Variants in PLEKHH2 observed in about 807,000 individuals in gnomAD.
PLEKHH2 encodes the protein pleckstrin homology domain-containing family H member 2.
In PLEKHH2, 129 loss-of-function variants were observed where a neutral mutation model predicts 187.9. That is an observed-to-expected ratio of 0.69 (90% confidence interval 0.59 to 0.79). PLEKHH2 has a LOEUF of 0.79. PLEKHH2 is among the 30% of genes least tolerant of loss of function. The pLI is 0.00. For synonymous variants in PLEKHH2, 686 were observed against 605.6 expected (o/e 1.13, Z -1.95); for missense variants, 2,076 against 1,751.2 (o/e 1.19, Z -3.31).
Position 43,765,719 on chromosome 2 carries a change from T to C in PLEKHH2, c.*121T>C. ...ACACCGGTATTCCAAACCTTAACAA[T>C]GAAGGGGGTTAGTCTCTTTTATTTG... is the stretch of plus-strand genomic sequence containing the variant. On this transcript the variant is annotated 3_prime_UTR_variant, in exon 30 of 30. Transcript: ENST00000282406. The C allele has an allele frequency of 1.2e-6, 1 of 846,592 alleles. No individual in the cohort carries two copies. Among genetic ancestry groups the C allele is most frequent in the Non-Finnish European group, 1.7e-6 (1 of 572,212 alleles). The allele number at this position is 846,592 out of a possible 1,614,324, so 52.4% of individuals were successfully genotyped here.
chr2:43,643,900 C>G (rs1298408808), intron 1 of PLEKHH2, among the ~76,000 whole-genome samples: 1 of 152,138 alleles, frequency 6.6e-6, no homozygotes, highest in East Asian at 1.9e-4. Flanking sequence ...TTGTCCTCCC[C>G]CTTACAGTGC....
At chr2:43,711,445 C>A in intron 14 of PLEKHH2, 3 of 973,682 alleles carry the variant, frequency 3.1e-6, no homozygotes, top group Non-Finnish European at 3.7e-6. Context: ...TATCTAATCA[C>A]ATGTTCGTTC....
At chr2:43,667,930 A>C (rs1024350747) in intron 2 of PLEKHH2, among the ~76,000 whole-genome samples, 4 of 152,220 alleles carry the variant, frequency 2.6e-5, no homozygotes, top group Non-Finnish European at 4.4e-5. Flanking sequence ...TAAAGTGGTT[A>C]ATTTTGTGGC....
At chr2:43,749,459 C>T (rs1023801669) in intron 24 of PLEKHH2, among the ~76,000 whole-genome samples, 2 of 152,206 alleles carry the variant, frequency 1.3e-5, no homozygotes, top group South Asian at 4.1e-4. Flanking sequence ...TTCTCAGGAC[C>T]TCCTGAGGGC....
chr2:43,720,215 C>T (rs1292778842), intron 15 of PLEKHH2, among the ~76,000 whole-genome samples: 2 of 152,010 alleles, frequency 1.3e-5, no homozygotes, highest in Non-Finnish European at 2.9e-5. Flanking sequence ...AGTAAACATT[C>T]GTTGTATGTT....
intron 2 of PLEKHH2, among the ~76,000 whole-genome samples, chr2:43,647,441 C>G (rs955705785): frequency 6.6e-6 from 1 of 152,270 alleles, no homozygotes; most frequent in East Asian, 1.9e-4. Flanking sequence ...GCCTATATGG[C>G]CTTTCTAATT....
intron 3 of PLEKHH2, chr2:43,680,601 C>T (rs1031937331): frequency 9.3e-5 from 19 of 203,286 alleles, no homozygotes; most frequent in African/African-American, 1.2e-4. Flanking sequence ...AGGCTTTCCC[C>T]GTTGCTGCAC....
chr2:43,644,458 C>T (rs1479218400), intron 1 of PLEKHH2, among the ~76,000 whole-genome samples: 1 of 149,540 alleles, frequency 6.7e-6, no homozygotes, highest in South Asian at 2.1e-4. Context: ...CTCCATCCAG[C>T]CTTAGTCTCC....
chr2:43,697,594 G>C (rs1199571990), intron 7 of PLEKHH2, among the ~76,000 whole-genome samples: 3 of 152,180 alleles, frequency 2.0e-5, no homozygotes, highest in African/African-American at 7.2e-5. Context: ...TTTTCCTGCT[G>C]TAGGTGGAAG....
chr2:43,670,623 ATTT>A (rs70965313), intron 2 of PLEKHH2, among the ~76,000 whole-genome samples: 3 of 149,878 alleles, frequency 2.0e-5, no homozygotes, highest in Non-Finnish European at 4.4e-5. Context: ...GAATATTCTA[ATTT>A]TTTTTTTTTC....
At chr2:43,701,850 C>T (rs573894281) in intron 8 of PLEKHH2, among the ~76,000 whole-genome samples, 6 of 151,706 alleles carry the variant, frequency 4.0e-5, no homozygotes, top group African/African-American at 1.5e-4. Context: ...TCACTGCAAC[C>T]TCTGCCACCT....
chr2:43,754,198 ACAC>A (rs1413633407), intron 25 of PLEKHH2, among the ~76,000 whole-genome samples: 3,026 of 132,468 alleles, frequency 0.023, 126 homozygotes, highest in African/African-American at 0.088. Flanking sequence ...ACACACACAC[ACAC>A]ACACAAAATT....
At chr2:43,676,464 AG>A (rs974513184) in intron 2 of PLEKHH2, 1 of 628,670 alleles carries the variant, frequency 1.6e-6, no homozygotes, top group Non-Finnish European at 2.7e-6. Context: ...GGCGTAGAGA[AG>A]GGGGCGGGGC....
intron 19 of PLEKHH2, among the ~76,000 whole-genome samples, chr2:43,736,453 G>A (rs539821209): frequency 7.2e-5 from 11 of 152,292 alleles, no homozygotes; most frequent in Admixed American, 6.5e-4. Flanking sequence ...AGACTGCTGT[G>A]CAGAGAGGGA....
At chr2:43,755,941 G>C (rs904106862) in intron 25 of PLEKHH2, among the ~76,000 whole-genome samples, 28 of 152,142 alleles carry the variant, frequency 1.8e-4, no homozygotes, top group African/African-American at 6.5e-4. Context: ...AGCTTTATTA[G>C]GCAGCACTAG....
intron 20 of PLEKHH2, among the ~76,000 whole-genome samples, chr2:43,739,091 A>T (rs1395202565): frequency 6.6e-6 from 1 of 152,142 alleles, no homozygotes; most frequent in African/African-American, 2.4e-5. Context: ...GGGTTTCACC[A>T]TGTTGGTCAG....
intron 9 of PLEKHH2, 111 bp from the exon 10 acceptor site, chr2:43,706,211 T>C: frequency 1.3e-6 from 1 of 766,166 alleles, no homozygotes; most frequent in Non-Finnish European, 2.3e-6. Context: ...AATCATGTAT[T>C]AATCGAATTG....
At chr2:43,697,696 A>G (rs1558510606) in intron 7 of PLEKHH2, among the ~76,000 whole-genome samples, 1 of 152,190 alleles carries the variant, frequency 6.6e-6, no homozygotes, top group Non-Finnish European at 1.5e-5. Context: ...TGAATTTCCT[A>G]TTCATTATTT....
chr2:43,667,864 C>G (rs1667289330), intron 2 of PLEKHH2, among the ~76,000 whole-genome samples: 1 of 151,976 alleles, frequency 6.6e-6, no homozygotes, highest in Non-Finnish European at 1.5e-5. Flanking sequence ...TTAAATGGTG[C>G]TAATAGTTCC....
Sources: allele counts gnomAD v4.1 joint callset (sites outside exome capture counted in the v4.1 genomes callset), GRCh38; gene constraint gnomAD v4.1.1; transcripts MANE v1.5; gene names NCBI Gene and HGNC (gene_info 2026-07-23, HGNC 2026-07-21).